AK5: variants seen among roughly 807,000 people sequenced by gnomAD.
AK5 encodes adenylate kinase isoenzyme 5.
Under a neutral mutation model 69.5 loss-of-function variants are expected in AK5, and 27 were observed. That is an observed-to-expected ratio of 0.39 (90% CI 0.29 to 0.54). The LOEUF is 0.54. Among genes scored for constraint, AK5 ranks in the 20% least tolerant of loss-of-function variants. AK5 has a pLI of 0.71. For synonymous variants in AK5, 260 were observed against 244.4 expected (o/e 1.06, Z -0.60); for missense variants, 531 against 700.4 (o/e 0.76, Z 2.73).
chr1:77,462,484 A>C (rs181400993), intron 8 of AK5, among the ~76,000 whole-genome samples: 5 of 152,254 alleles, frequency 3.3e-5, no homozygotes, highest in Non-Finnish European at 7.4e-5. Context: ...ATCTATAACC[A>C]TGCACTCACA....
chr1:77,461,625 C>T (rs963021304), intron 8 of AK5, among the ~76,000 whole-genome samples: 10 of 151,608 alleles, frequency 6.6e-5, no homozygotes, highest in South Asian at 2.1e-4. Flanking sequence ...GAAAAATTAG[C>T]GGGGCATGGT....
rs1027574372 is a variant in AK5 at position 77,365,669 on chromosome 1, G to A, written c.891+25101G>A. Among the ~76,000 whole-genome samples, 6 of 152,182 alleles carry A rather than the reference G, an allele frequency of 3.9e-5. No homozygotes were observed. The South Asian group carries it at 8.3e-4, about 21-fold the overall frequency. ...CACAATAGGGTTCACGCTTCTATGA[G>A]AATCTAATGGCACTGCTGATCTGAC... On this transcript the variant is annotated intron_variant, in intron 6 of 13. Coordinates refer to ENST00000354567, the MANE Select transcript of AK5 (RefSeq NM_174858.3).
chr1:77,489,218 A>G (rs1041766784), intron 10 of AK5, among the ~76,000 whole-genome samples: 17 of 152,132 alleles, frequency 1.1e-4, no homozygotes, highest in African/African-American at 4.1e-4. Flanking sequence ...GAAACCTCCA[A>G]GGGTCCACAG....
chr1:77,492,541 G>T (rs1284667674), intron 10 of AK5, among the ~76,000 whole-genome samples: 1 of 152,216 alleles, frequency 6.6e-6, no homozygotes, highest in Non-Finnish European at 1.5e-5. Flanking sequence ...ACATAGGACA[G>T]AGAGAAACCC....
chr1:77,417,720 T>C lies in AK5; in HGVS notation c.1059+5T>C. 1 of 1,556,792 alleles carries C rather than the reference T, an allele frequency of 6.4e-7. No individual in the cohort carries two copies. ...GGATCTGATTATGAAGATCAGGTAA[T>C]TAAAATCTGAAAATAGTTCTCTATT... is the stretch of plus-strand genomic sequence containing the variant. On this transcript the variant is annotated splice_donor_5th_base_variant and intron_variant, in intron 8 of 13. Coordinates refer to ENST00000354567, the MANE Select transcript of AK5 (RefSeq NM_174858.3).
At chr1:77,328,755 G>A (rs566469921) in intron 5 of AK5, among the ~76,000 whole-genome samples, 1 of 152,218 alleles carries the variant, frequency 6.6e-6, no homozygotes, top group Non-Finnish European at 1.5e-5. Flanking sequence ...TACTAAAGTA[G>A]TAGAACAATA....
chr1:77,391,417 ATATG>A (rs1202338680), intron 6 of AK5, among the ~76,000 whole-genome samples: 14 of 128,556 alleles, frequency 1.1e-4, no homozygotes, highest in Non-Finnish European at 1.7e-4. Context: ...ACACACATAT[ATATG>A]TATATATATA....
At chr1:77,493,301 A>AT (rs896177201) in intron 10 of AK5, among the ~76,000 whole-genome samples, 41 of 150,476 alleles carry the variant, frequency 2.7e-4, no homozygotes, top group Non-Finnish European at 1.2e-4. Flanking sequence ...TGGGTCATCC[A>AT]TTTTCTCCTG....
At chr1:77,544,985 G>T (rs1327942972) in intron 13 of AK5, among the ~76,000 whole-genome samples, 1 of 152,182 alleles carries the variant, frequency 6.6e-6, no homozygotes, top group Admixed American at 6.5e-5. Context: ...CCATTGCGCT[G>T]TGACATTGTG....
intron 10 of AK5, among the ~76,000 whole-genome samples, chr1:77,506,460 C>T (rs1657034705): frequency 6.6e-6 from 1 of 151,936 alleles, no homozygotes; most frequent in South Asian, 2.1e-4. Flanking sequence ...GGGGTAAAAA[C>T]ATTTCAGAAC....
chr1:77,496,773 A>G (rs1462457229), intron 10 of AK5, among the ~76,000 whole-genome samples: 2 of 152,168 alleles, frequency 1.3e-5, no homozygotes, highest in Non-Finnish European at 2.9e-5. Context: ...GTGTCTAGCT[A>G]AAGGATTGTA....
At chr1:77,551,343 T>C (rs1295874842) in intron 13 of AK5, among the ~76,000 whole-genome samples, 2 of 152,180 alleles carry the variant, frequency 1.3e-5, no homozygotes, top group Non-Finnish European at 2.9e-5. Flanking sequence ...CACAGAGTTT[T>C]CTAGTCACCC....
chr1:77,323,150 G>A (rs549478556), intron 5 of AK5, among the ~76,000 whole-genome samples: 15 of 151,990 alleles, frequency 9.9e-5, no homozygotes, highest in Non-Finnish European at 1.6e-4. Flanking sequence ...CACCACGCCC[G>A]GCTAATTTTT....
At chr1:77,385,616 G>A (rs1244277767) in intron 6 of AK5, among the ~76,000 whole-genome samples, 2 of 152,140 alleles carry the variant, frequency 1.3e-5, no homozygotes, top group African/African-American at 4.8e-5. Flanking sequence ...GGCCTTTTGA[G>A]GAAAGCTTTC....
At chr1:77,416,694 G>T (rs1051829602) in intron 7 of AK5, among the ~76,000 whole-genome samples, 2 of 152,090 alleles carry the variant, frequency 1.3e-5, no homozygotes, top group African/African-American at 4.8e-5. Context: ...AAGCAACATC[G>T]GGGACAGGTC....
chr1:77,545,431 G>C (rs1423978296), intron 13 of AK5, among the ~76,000 whole-genome samples: 1 of 152,100 alleles, frequency 6.6e-6, no homozygotes, highest in Non-Finnish European at 1.5e-5. Flanking sequence ...CTTTTTAATA[G>C]CTATATAATA....
At chr1:77,287,628 A>G (rs1658433618) in intron 2 of AK5, among the ~76,000 whole-genome samples, 1 of 152,254 alleles carries the variant, frequency 6.6e-6, no homozygotes, top group South Asian at 2.1e-4. Flanking sequence ...TTAAATCTAA[A>G]GGAGTTTAAG....
intron 2 of AK5, among the ~76,000 whole-genome samples, chr1:77,293,307 G>T (rs1377459938): frequency 6.6e-6 from 1 of 152,132 alleles, no homozygotes; most frequent in Non-Finnish European, 1.5e-5. Context: ...CAATATATAA[G>T]CATTAGCTTT....
intron 6 of AK5, among the ~76,000 whole-genome samples, chr1:77,351,381 C>A (rs1473036020): frequency 6.6e-6 from 1 of 152,082 alleles, no homozygotes; most frequent in South Asian, 2.1e-4. Flanking sequence ...GGCAACAGAG[C>A]AAGACCCTGT....
Sources: gnomAD v4.1 joint callset for allele counts (sites outside exome capture counted in the v4.1 genomes callset) on GRCh38, gnomAD v4.1.1 for gene constraint, MANE v1.5 for transcripts, NCBI Gene and HGNC (gene_info 2026-07-23, HGNC 2026-07-21) for gene names.